SUSD3: variants seen among roughly 807,000 people sequenced by gnomAD.
The protein encoded by SUSD3 is sushi domain containing 3.
SUSD3 carries 18 observed loss-of-function variants against 20.6 expected under a neutral mutation model. That is an observed-to-expected ratio of 0.87 (90% CI 0.60 to 1.30). The LOEUF is 1.30. SUSD3 is among the 50% of genes most tolerant of loss of function. The pLI is 0.00. For synonymous variants in SUSD3, 137 were observed against 141.5 expected (o/e 0.97, Z 0.23); for missense variants, 306 against 346.9 (o/e 0.88, Z 0.94).
At chr9:93,066,383 G>A (rs1278339646) in intron 1 of SUSD3, among the ~76,000 whole-genome samples, 2 of 151,952 alleles carry the variant, frequency 1.3e-5, no homozygotes, top group African/African-American at 2.4e-5. Context: ...ACAGGCGCAC[G>A]CCACCACGCC....
Position 93,075,818 on chromosome 9 carries a change from A to C in SUSD3, c.123A>C (p.Ala41=). 1 of 1,521,656 alleles carries C rather than the reference A, an allele frequency of 6.6e-7. No homozygotes were observed. The allele number at this position is 1,521,656 out of a possible 1,614,324, so 94.3% of individuals were successfully genotyped here. A position where few individuals can be genotyped will look rare whatever the true frequency, so the allele number is the denominator to read the frequency against. ...CTAAGCTGCGGCTACCCCCGCAAGC[A>C]ACCTTCCAAGTCCTTCGTGGCAATG... The part of the protein sequence containing the change: ...TCAKLRLPPQ[A]TFQVLRGNGA... Residue 41 remains alanine, a synonymous_variant, in exon 2 of 5, where the codon GCA becomes GCC. Transcript: ENST00000375472.
rs912042136 is a variant in SUSD3 at position 93,084,837 on chromosome 9, A to G, written c.*90A>G. On this transcript the variant is annotated 3_prime_UTR_variant, in exon 5 of 5. Transcript: ENST00000375472. ...AGCTACAACTCCACATCAACTCCACATGCGCCCAGCTCGAGACTGATGAGT... is the reference window on the plus strand; with the variant it reads ...AGCTACAACTCCACATCAACTCCACGTGCGCCCAGCTCGAGACTGATGAGT... The G allele has an allele frequency of 5.2e-6, 6 of 1,163,190 alleles. No homozygotes were observed. The highest frequency in any genetic ancestry group is 3.0e-5 in the Admixed American group (1 of 33,860). The allele number at this position is 1,163,190 out of a possible 1,614,324, so 72.1% of individuals were successfully genotyped here.
rs151011601 is a variant in SUSD3, at chr9:93,068,964, A to G, written c.89-6820A>G. ...TTAATGATAACCAGTAATAAGTTAT[A>G]CCAATTATAACAATATATTATAATA... On this transcript the variant is annotated intron_variant, in intron 1 of 4. Transcript: ENST00000375472. 9.9e-4 allele frequency: 544 copies of G among 549,948 alleles called. 1 individual carries two copies. The highest frequency in any genetic ancestry group is 9.2e-3 in the African/African-American group (492 of 53,502). 34.1% of individuals were successfully genotyped at this position (549,948 alleles called of 1,614,324 possible). A position where few individuals can be genotyped will look rare whatever the true frequency, so the allele number is the denominator to read the frequency against.
chr9:93,061,396 C>A (rs534305313), intron 1 of SUSD3, among the ~76,000 whole-genome samples: 1 of 152,360 alleles, frequency 6.6e-6, no homozygotes, highest in East Asian at 1.9e-4. Context: ...CCATTGGCAT[C>A]GAAAGAGCTG....
At chr9:93,079,418 C>T (rs952158051) in intron 3 of SUSD3, 53 bp from the exon 4 acceptor site, 79 of 1,592,922 alleles carry the variant, frequency 5.0e-5, no homozygotes, top group East Asian at 9.0e-5. Flanking sequence ...TTTCCACCAC[C>T]GTCAGGGATA....
intron 1 of SUSD3, among the ~76,000 whole-genome samples, chr9:93,067,528 C>T (rs1564186841): frequency 2.0e-5 from 3 of 152,082 alleles, no homozygotes; most frequent in South Asian, 4.2e-4. Context: ...TTGCACCATT[C>T]TGTTCCCAAA....
At chr9:93,081,041 C>T (rs1444416434) in intron 4 of SUSD3, among the ~76,000 whole-genome samples, 2 of 152,234 alleles carry the variant, frequency 1.3e-5, no homozygotes, top group African/African-American at 4.8e-5. Flanking sequence ...CAGGCAACCT[C>T]ATTCATGCCC....
At chr9:93,058,864 C>G in intron 1 of SUSD3, 34 bp downstream of exon 1, 1 of 1,206,292 alleles carries the variant, frequency 8.3e-7, no homozygotes, top group East Asian at 3.2e-5. Flanking sequence ...GCGTGCGGGG[C>G]TCTGCGCCCA....
chr9:93,083,788 G>A (rs951890961), intron 4 of SUSD3, among the ~76,000 whole-genome samples: 10 of 152,190 alleles, frequency 6.6e-5, no homozygotes, highest in African/African-American at 2.4e-4. Flanking sequence ...GAGTTTTTCT[G>A]AGAATTAGTT....
At chr9:93,059,091 G>A (rs990875562) in intron 1 of SUSD3, among the ~76,000 whole-genome samples, 168 of 152,262 alleles carry the variant, frequency 1.1e-3, no homozygotes, top group Admixed American at 5.0e-3. Context: ...CAGCGCCTTG[G>A]TCCCGGGCGT....
intron 1 of SUSD3, chr9:93,069,270 C>T (rs1825827491): frequency 3.3e-6 from 2 of 614,750 alleles, no homozygotes; most frequent in Non-Finnish European, 5.9e-6. Flanking sequence ...CCCCCTGATA[C>T]TGCAGTGCTT....
intron 4 of SUSD3, among the ~76,000 whole-genome samples, chr9:93,082,618 C>T (rs1826466501): frequency 1.3e-5 from 2 of 152,084 alleles, no homozygotes; most frequent in African/African-American, 4.8e-5. Context: ...TGCCTGACCC[C>T]CTTTCCTTTT....
chr9:93,063,983 A>G (rs1235809456), intron 1 of SUSD3, among the ~76,000 whole-genome samples: 1 of 152,128 alleles, frequency 6.6e-6, no homozygotes, highest in Non-Finnish European at 1.5e-5. Flanking sequence ...TTGACGGCGC[A>G]TCCCGGACTT....
intron 1 of SUSD3, among the ~76,000 whole-genome samples, chr9:93,070,009 C>T (rs1161472183): frequency 6.6e-6 from 1 of 152,084 alleles, no homozygotes; most frequent in East Asian, 1.9e-4. Context: ...GAACTCCTGA[C>T]CTCAAGTGAT....
At chr9:93,066,004 C>G (rs1280241227) in intron 1 of SUSD3, among the ~76,000 whole-genome samples, 5 of 152,204 alleles carry the variant, frequency 3.3e-5, no homozygotes, top group Non-Finnish European at 7.4e-5. Context: ...CAGGTATGCT[C>G]AGCGTCAGCT....
chr9:93,079,093 C>T (rs745454578), intron 3 of SUSD3, among the ~76,000 whole-genome samples: 2 of 152,188 alleles, frequency 1.3e-5, no homozygotes, highest in Non-Finnish European at 2.9e-5. Flanking sequence ...TGAGCCACTG[C>T]GCCTGGCCAA....
chr9:93,066,997 C>T (rs1438585738), intron 1 of SUSD3, among the ~76,000 whole-genome samples: 1 of 152,134 alleles, frequency 6.6e-6, no homozygotes, highest in African/African-American at 2.4e-5. Flanking sequence ...TGTGAGCCAC[C>T]ATACCCAGCC....
At chr9:93,083,101 C>A (rs925580237) in intron 4 of SUSD3, among the ~76,000 whole-genome samples, 41 of 152,192 alleles carry the variant, frequency 2.7e-4, no homozygotes, top group African/African-American at 9.6e-4. Context: ...GGGAGGCACC[C>A]TGACAGGGCC....
chr9:93,076,141 G>A (rs1035757582), intron 2 of SUSD3, among the ~76,000 whole-genome samples, 169 bp downstream of exon 2: 1 of 152,132 alleles, frequency 6.6e-6, no homozygotes, highest in African/African-American at 2.4e-5. Flanking sequence ...GTCAGCAGCC[G>A]GCTGTAGGCC....
Sources: gnomAD v4.1 joint callset for allele counts (sites outside exome capture counted in the v4.1 genomes callset) on GRCh38, gnomAD v4.1.1 for gene constraint, MANE v1.5 for transcripts, NCBI Gene and HGNC (gene_info 2026-07-23, HGNC 2026-07-21) for gene names.